HTATIP2: variants seen among roughly 807,000 people sequenced by gnomAD.
HTATIP2 encodes protein HTATIP2.
In HTATIP2, 26 loss-of-function variants were observed where a neutral mutation model predicts 24.7. That is an observed-to-expected ratio of 1.05 (90% CI 0.77 to 1.46). The LOEUF is 1.46. HTATIP2 is among the 40% of genes most tolerant of loss of function. The probability of loss-of-function intolerance (pLI) is 0.00; values close to 1 mark genes in which losing one functional copy is unlikely to be tolerated. For missense variants in HTATIP2, 284 were observed against 289.6 expected, an observed-to-expected ratio of 0.98 and a Z score of 0.14; for synonymous variants, 99 against 113.2, an observed-to-expected ratio of 0.87 and a Z score of 0.79.
chr11:20,364,418 G>T lies in HTATIP2; in HGVS notation c.181G>T (p.Ala61Ser). ...GAGGAAGCTCACCTTCGACGAGGAA[G>T]CTTATAAAAATGTGGTGGGTATTTC... ...GRRKLTFDEE[A>S]YKNVNQEVVD... is the part of the protein sequence containing the mutation. Residue 61 changes from alanine (A) to serine (S), a missense_variant, in exon 1 of 5, where the codon GCT becomes TCT. Transcript: ENST00000451739. The T allele has an allele frequency of 6.2e-7, 1 of 1,607,358 alleles. No individual in the cohort carries two copies. Among genetic ancestry groups the T allele is most frequent in the Non-Finnish European group, 8.5e-7 (1 of 1,175,776 alleles).
At chr11:20,366,917 G>A (rs951517846) in intron 1 of HTATIP2, among the ~76,000 whole-genome samples, 12 of 152,124 alleles carry the variant, frequency 7.9e-5, no homozygotes, top group Non-Finnish European at 1.6e-4. Flanking sequence ...TTTCCAGAGA[G>A]AGATTATAAT....
chr11:20,376,781 A>G, intron 3 of HTATIP2, 64 bp downstream of exon 3: 4 of 1,251,764 alleles, frequency 3.2e-6, no homozygotes, highest in Non-Finnish European at 4.4e-6. Flanking sequence ...AGTACTAAAG[A>G]ATATAAAATA....
intron 2 of HTATIP2, among the ~76,000 whole-genome samples, chr11:20,371,691 G>A (rs1029776708): frequency 3.3e-5 from 5 of 151,906 alleles, no homozygotes; most frequent in East Asian, 1.9e-4. Flanking sequence ...TGCTTGCCTC[G>A]GCCTCCCAAA....
chr11:20,367,794 C>A (rs945035209), intron 2 of HTATIP2: 5 of 355,062 alleles, frequency 1.4e-5, no homozygotes, highest in Non-Finnish European at 2.0e-5. Flanking sequence ...TTCAACCCCA[C>A]TAATGATTCA....
chr11:20,364,067 C>G lies in HTATIP2; in HGVS notation c.-171C>G. 6 of 1,361,856 alleles carry G rather than the reference C, an allele frequency of 4.4e-6. No individual in the cohort carries two copies. The South Asian group carries it at 9.5e-5, about 22-fold the overall frequency. The allele number at this position is 1,361,856 out of a possible 1,614,324, so 84.4% of individuals were successfully genotyped here. Reference sequence around the variant, plus strand: ...ATGGGTCTGCTGGCTCAGGTGCGGGCGATGGCCGGGGAGCCGCGCCCCGCA... The same window carrying G: ...ATGGGTCTGCTGGCTCAGGTGCGGGGGATGGCCGGGGAGCCGCGCCCCGCA... On this transcript the variant is annotated 5_prime_UTR_variant, in exon 1 of 5. Transcript: ENST00000451739.
At chr11:20,369,773 A>C (rs961314896) in intron 2 of HTATIP2, among the ~76,000 whole-genome samples, 3 of 152,194 alleles carry the variant, frequency 2.0e-5, no homozygotes, top group Non-Finnish European at 4.4e-5. Context: ...CAATGAACTT[A>C]TTTCCAAATA....
chr11:20,370,597 C>T (rs991560320), intron 2 of HTATIP2, among the ~76,000 whole-genome samples: 3 of 152,176 alleles, frequency 2.0e-5, no homozygotes, highest in African/African-American at 4.8e-5. Flanking sequence ...CAAAGGTTTG[C>T]AATACAGCCT....
At chr11:20,375,527 CG>C in intron 2 of HTATIP2, among the ~76,000 whole-genome samples, 1 of 152,274 alleles carries the variant, frequency 6.6e-6, no homozygotes, top group East Asian at 1.9e-4. Flanking sequence ...GTGGAGACCA[CG>C]CCACTGCCCT....
Position 20,368,716 on chromosome 11 carries a change from A to G in HTATIP2, c.303+1435A>G, listed in dbSNP as rs1042242885. 2.6e-5 allele frequency among the ~76,000 whole-genome samples: 4 copies of G among 152,258 alleles called. No homozygotes were observed. In the East Asian group the frequency reaches 5.8e-4, roughly 22 times the overall value. On this transcript the variant is annotated intron_variant, in intron 2 of 4. Coordinates refer to ENST00000451739, the MANE Select transcript of HTATIP2 (RefSeq NM_001098522.2). ...ATTAGGCATAGAAGGGTTGATTTTC[A>G]TGACATAAGGCAAATCTCATTATAG... is the stretch of plus-strand genomic sequence containing the variant.
intron 2 of HTATIP2, among the ~76,000 whole-genome samples, chr11:20,369,647 G>A (rs761534960): frequency 5.3e-5 from 8 of 152,078 alleles, no homozygotes; most frequent in Admixed American, 4.6e-4. Context: ...GTCTCTTTAC[G>A]TGGTATTTTC....
In HTATIP2 at chr11:20,363,802, G is replaced by T. The variant is rs902422363; in HGVS notation, c.-436G>T. The T allele has an allele frequency of 6.4e-6, 8 of 1,244,584 alleles. No individual in the cohort carries two copies. The highest frequency in any genetic ancestry group is 8.1e-6 in the Non-Finnish European group (8 of 989,414). 77.1% of individuals were successfully genotyped at this position (1,244,584 alleles called of 1,614,324 possible). A position where few individuals can be genotyped will look rare whatever the true frequency, so the allele number is the denominator to read the frequency against. ...CCCCCCGGTCCGACCAGGGAAGGTG[G>T]GATGCTCTGATGGCCGGGCCTGCGG... On this transcript the variant is annotated 5_prime_UTR_variant, in exon 1 of 5. Coordinates refer to ENST00000451739, the MANE Select transcript of HTATIP2 (RefSeq NM_001098522.2).
intron 1 of HTATIP2, among the ~76,000 whole-genome samples, chr11:20,365,279 G>A (rs1209765014): frequency 2.0e-5 from 3 of 152,248 alleles, no homozygotes; most frequent in South Asian, 2.1e-4. Context: ...GTGAGCCACC[G>A]CGCCCAGCCT....
intron 1 of HTATIP2, among the ~76,000 whole-genome samples, chr11:20,366,503 T>C (rs1261915098): frequency 6.6e-6 from 1 of 152,200 alleles, no homozygotes; most frequent in East Asian, 1.9e-4. Context: ...TTTATCATGC[T>C]TTCTTTTTTA....
chr11:20,382,832 TCTTCAAATATAGACACCTTGGGGATTAGG>T, intron 4 of HTATIP2, 119 bp from the exon 5 acceptor site: 1 of 541,400 alleles, frequency 1.8e-6, no homozygotes, highest in Non-Finnish European at 3.1e-6. Context: ...TAATGCCTTA[TCTTCAAATATAGACACCTTGGGGATTAGG>T]GCTTCAACAT....
At chr11:20,365,006 CG>C (rs2064681650) in intron 1 of HTATIP2, among the ~76,000 whole-genome samples, 2 of 137,402 alleles carry the variant, frequency 1.5e-5, no homozygotes, top group African/African-American at 5.5e-5. Flanking sequence ...TTTTCTGAGA[CG>C]GAGTCTCACT....
chr11:20,372,677 G>A (rs1332373413), intron 2 of HTATIP2, among the ~76,000 whole-genome samples: 1 of 152,186 alleles, frequency 6.6e-6, no homozygotes, highest in Non-Finnish European at 1.5e-5. Flanking sequence ...CATGGTTAGG[G>A]AAACTAAGTA....
chr11:20,380,215 C>A (rs1018527117), intron 3 of HTATIP2, among the ~76,000 whole-genome samples: 29 of 152,178 alleles, frequency 1.9e-4, no homozygotes, highest in African/African-American at 6.5e-4. Context: ...TAGTACATGA[C>A]CCTTATCAGA....
chr11:20,375,048 A>G (rs1168133959), intron 2 of HTATIP2, among the ~76,000 whole-genome samples: 1 of 152,164 alleles, frequency 6.6e-6, no homozygotes, highest in African/African-American at 2.4e-5. Context: ...ACATGGGTAC[A>G]GTGAAAAGAG....
chr11:20,382,795 G>T (rs1460884760), intron 4 of HTATIP2, among the ~76,000 whole-genome samples, 185 bp from the exon 5 acceptor site: 1 of 151,174 alleles, frequency 6.6e-6, no homozygotes, highest in Non-Finnish European at 1.5e-5. Context: ...CCATCCTTAA[G>T]ACCTCATTAA....
Sources: allele counts gnomAD v4.1 joint callset (sites outside exome capture counted in the v4.1 genomes callset), GRCh38; gene constraint gnomAD v4.1.1; transcripts MANE v1.5; gene names NCBI Gene and HGNC (gene_info 2026-07-23, HGNC 2026-07-21).